Variants in ZFP36L2 observed in about 807,000 individuals in gnomAD.
ZFP36L2 encodes mRNA decay activator protein ZFP36L2.
Under a neutral mutation model 27.9 loss-of-function variants are expected in ZFP36L2, and 16 were observed. That is an observed-to-expected ratio of 0.57 (90% CI 0.39 to 0.87). ZFP36L2 has a LOEUF of 0.87. ZFP36L2 is among the 40% of genes least tolerant of loss of function. The pLI is 0.00. For missense variants in ZFP36L2, 989 were observed against 726.9 expected (o/e 1.36, Z -4.15); for synonymous variants, 600 against 363.8 (o/e 1.65, Z -7.39).
At position 43,224,601 on chromosome 2, in the gene ZFP36L2, CT is replaced by C; in HGVS notation, c.1202del (p.Gln401ArgfsTer60). The C allele has an allele frequency of 8.3e-7, 1 of 1,198,668 alleles. No homozygotes were observed. The allele number at this position is 1,198,668 out of a possible 1,614,324, so 74.3% of individuals were successfully genotyped here. A position where few individuals can be genotyped will look rare whatever the true frequency, so the allele number is the denominator to read the frequency against. Reference protein sequence around the residue: ...YYRSQQQQQQQGLAPPAQPPA... With the variant: ...YYRSQQQQQQXGLAPPAQPPA... The stretch of plus-strand genomic sequence containing the variant: ...GCGGCTGCGCGGGGGGCGCCAGGCC[CT>C]GCTGCTGCTGCTGCTGCTGACTGCG... On this transcript the variant is annotated frameshift_variant, in exon 2 of 2. Transcript: ENST00000282388. LOFTEE classifies it high-confidence loss of function.
At chr2:43,226,224 C>CGTT in intron 1 of ZFP36L2, 41 bp downstream of exon 1, 1 of 1,557,184 alleles carries the variant, frequency 6.4e-7, no homozygotes. Flanking sequence ...AGTCCAAGAA[C>CGTT]TACAACGGCT....
intron 1 of ZFP36L2, 82 bp from the exon 2 acceptor site, chr2:43,225,834 G>A (rs1396471102): frequency 2.1e-6 from 3 of 1,397,544 alleles, no homozygotes; most frequent in African/African-American, 3.0e-5. Context: ...GGAACTCCCA[G>A]CCTGATTCTT....
chr2:43,224,850 G>C lies in ZFP36L2; in HGVS notation c.954C>G (p.Ala318=), dbSNP rs929921163. 3 of 1,463,816 alleles carry C rather than the reference G, an allele frequency of 2.0e-6. No homozygotes were observed. The highest frequency in any genetic ancestry group is 3.0e-5 in the African/African-American group (2 of 66,872). The allele number at this position is 1,463,816 out of a possible 1,614,324, so 90.7% of individuals were successfully genotyped here. ...CCGCCGCGGAGGCGCAGCATGTCGG[G>C]GCGCCCGAGGGCGTGGAGGCCGCGG... ...SASAASTPSG[A]PTCCASAAAA... The change falls in exon 2 of 2, where the codon GCC becomes GCG. Residue 318 remains alanine (A), a synonymous_variant. Coordinates refer to ENST00000282388, the MANE Select transcript of ZFP36L2 (RefSeq NM_006887.5).
chr2:43,226,303 G>C lies in ZFP36L2; in HGVS notation c.13C>G (p.Leu5Val). Residue 5 changes from leucine (L) to valine (V), a missense_variant, in exon 1 of 2, where the codon CTT (leucine) becomes GTT (valine). Transcript: ENST00000282388. MSTT[L>V]LSAFYDVDFL... ...TCGACATCGTAGAAGGCGGACAGAA[G>C]TGTGGTCGACATGTTTCTGGATCCC... 1 of 1,587,874 alleles carries C rather than the reference G, an allele frequency of 6.3e-7. No homozygotes were observed. The highest frequency in any genetic ancestry group is 1.1e-5 in the South Asian group (1 of 87,740).
rs955426307 is a variant in ZFP36L2 at position 43,223,543 on chromosome 2, C to A, written c.*776G>T. Reference sequence around the variant, plus strand: ...AACAGCTAAAAATTCAGCAGTTATTCTCCAACAATTACAAAGTAAGCTCTG... The same window carrying A: ...AACAGCTAAAAATTCAGCAGTTATTATCCAACAATTACAAAGTAAGCTCTG... On this transcript the variant is annotated 3_prime_UTR_variant, in exon 2 of 2. Coordinates refer to ENST00000282388, the MANE Select transcript of ZFP36L2 (RefSeq NM_006887.5). The A allele has an allele frequency of 6.6e-6, 1 of 152,614 alleles. No homozygotes were observed. Among genetic ancestry groups the A allele is most frequent in the African/African-American group, 2.4e-5 (1 of 41,444 alleles). 9.5% of individuals were successfully genotyped at this position (152,614 alleles called of 1,614,324 possible).
chr2:43,225,845 T>A, intron 1 of ZFP36L2, 93 bp from the exon 2 acceptor site: 1 of 1,325,984 alleles, frequency 7.5e-7, no homozygotes, highest in Non-Finnish European at 1.0e-6. Flanking sequence ...CCTGATTCTT[T>A]TCCTTTTTTT....
rs1667110810 is a variant in ZFP36L2 at position 43,226,520 on chromosome 2, A to C, written c.-205T>G. 2 of 577,980 alleles carry C rather than the reference A, an allele frequency of 3.5e-6. No homozygotes were observed. The highest frequency in any genetic ancestry group is 4.5e-4 in the Middle Eastern group (1 of 2,218). 35.8% of individuals were successfully genotyped at this position (577,980 alleles called of 1,614,324 possible). A position where few individuals can be genotyped will look rare whatever the true frequency, so the allele number is the denominator to read the frequency against. On this transcript the variant is annotated 5_prime_UTR_variant, in exon 1 of 2. Transcript: ENST00000282388. ...GCGGAGTGCGGCAGGGGGGAAGGAGAGAAGCGAGGAGCGCTCCTCCGCGCC... is the reference window on the plus strand; with the variant it reads ...GCGGAGTGCGGCAGGGGGGAAGGAGCGAAGCGAGGAGCGCTCCTCCGCGCC...
chr2:43,225,093 G>A lies in ZFP36L2; in HGVS notation c.711C>T (p.Gly237=). 6.3e-7 allele frequency: 1 copy of A among 1,593,510 alleles called. No homozygotes were observed. The highest frequency in any genetic ancestry group is 8.5e-7 in the Non-Finnish European group (1 of 1,177,298). ...GGASGDLRAF[G]TRDALHLGFP... ...AGCCCAGGTGCAACGCATCGCGCGT[G>A]CCAAAGGCACGCAGGTCCCCGGAGG... The change falls in exon 2 of 2, where the codon GGC becomes GGT. Residue 237 remains glycine, a synonymous_variant. Transcript: ENST00000282388.
At chr2:43,225,806 C>G in intron 1 of ZFP36L2, 54 bp from the exon 2 acceptor site, 1 of 1,516,442 alleles carries the variant, frequency 6.6e-7, no homozygotes, top group Non-Finnish European at 8.8e-7. Context: ...GGAAGACAGA[C>G]TCGGGGCGAG....
At position 43,222,774 on chromosome 2, in the gene ZFP36L2, TAA is replaced by T. The variant is rs979309289; in HGVS notation, c.*1543_*1544del. ...GCGGTTGCTTCACTTTATATCTATA[TAA>T]AAAAAGTGGTAAAAATCTTTTCCTT... On this transcript the variant is annotated 3_prime_UTR_variant, in exon 2 of 2. Transcript: ENST00000282388. The T allele has an allele frequency of 6.6e-6, 1 of 152,350 alleles. No individual in the cohort carries two copies. Among genetic ancestry groups the T allele is most frequent in the Non-Finnish European group, 1.5e-5 (1 of 68,034 alleles). The allele number at this position is 152,350 out of a possible 1,614,324, so 9.4% of individuals were successfully genotyped here. A position where few individuals can be genotyped will look rare whatever the true frequency, so the allele number is the denominator to read the frequency against.
rs779567592 is a variant in ZFP36L2, at chr2:43,225,497, CCTT to C, written c.304_306del (p.Lys102del). 2.2e-5 allele frequency: 35 copies of C among 1,608,650 alleles called. No individual in the cohort carries two copies. The highest frequency in any genetic ancestry group is 2.7e-5 in the Non-Finnish European group (32 of 1,178,676). ...GCTGTGCCGCCGCCCCCCGACGGCT[CCTT>C]AAGGGTGCCGTAGGAGGTCGGACCG... On this transcript the variant is annotated inframe_deletion, in exon 2 of 2. Transcript: ENST00000282388.
intron 1 of ZFP36L2, 88 bp from the exon 2 acceptor site, chr2:43,225,840 T>G (rs748090343): frequency 7.3e-7 from 1 of 1,370,914 alleles, no homozygotes; most frequent in Non-Finnish European, 9.8e-7. Context: ...CCCAGCCTGA[T>G]TCTTTTCCTT....
At position 43,225,228 on chromosome 2, in the gene ZFP36L2, G is replaced by A; in HGVS notation, c.576C>T (p.Tyr192=). ...GAAAGGTGCGGCACAGCTCGGTCTT[G>A]TACTTCGGATGGCGAGTCAGGCTGC... ...ELRSLTRHPK[Y]KTELCRTFHT... is the part of the protein sequence containing the mutation. Residue 192 remains tyrosine, a synonymous_variant, in exon 2 of 2, where the codon TAC becomes TAT. Coordinates refer to ENST00000282388, the MANE Select transcript of ZFP36L2 (RefSeq NM_006887.5). The A allele has an allele frequency of 6.2e-7, 1 of 1,607,624 alleles. No homozygotes were observed. Among genetic ancestry groups the A allele is most frequent in the Non-Finnish European group, 8.5e-7 (1 of 1,179,912 alleles).
rs1357995606 is a variant in ZFP36L2, at chr2:43,224,917, G to A, written c.887C>T (p.Ala296Val). The stretch of plus-strand genomic sequence containing the variant: ...GGAGGCGGAGGAGGAGCAGGACGAG[G>A]CCGAAGAGCAGGAGGGCGGCGGCGG... ...RTPPPPSCSSASSCSSSASSC... is the reference protein window; with the variant it reads ...RTPPPPSCSSVSSCSSSASSC... The change falls in exon 2 of 2, where the codon GCC (alanine) becomes GTC (valine). Residue 296 changes from alanine to valine, a missense_variant. Coordinates refer to ENST00000282388, the MANE Select transcript of ZFP36L2 (RefSeq NM_006887.5). 3.2e-6 allele frequency: 5 copies of A among 1,551,200 alleles called. No homozygotes were observed. In the African/African-American group the frequency reaches 4.3e-5, roughly 13 times the overall value.
Position 43,226,529 on chromosome 2 carries a change from G to A in ZFP36L2, c.-214C>T, listed in dbSNP as rs901390171. 2 of 561,362 alleles carry A rather than the reference G, an allele frequency of 3.6e-6. No homozygotes were observed. Among genetic ancestry groups the A allele is most frequent in the African/African-American group, 2.0e-5 (1 of 49,258 alleles). 34.8% of individuals were successfully genotyped at this position (561,362 alleles called of 1,614,324 possible). ...GGCAGGGGGGAAGGAGAGAAGCGAG[G>A]AGCGCTCCTCCGCGCCCCGGGGTGC... is the stretch of plus-strand genomic sequence containing the variant. On this transcript the variant is annotated 5_prime_UTR_variant, in exon 1 of 2. Transcript: ENST00000282388.
At position 43,224,261 on chromosome 2, in the gene ZFP36L2, G is replaced by A. The variant is rs1460076864; in HGVS notation, c.*58C>T. 6 of 1,455,876 alleles carry A rather than the reference G, an allele frequency of 4.1e-6. No individual in the cohort carries two copies. The highest frequency in any genetic ancestry group is 2.9e-5 in the African/African-American group (2 of 68,724). The allele number at this position is 1,455,876 out of a possible 1,614,324, so 90.2% of individuals were successfully genotyped here. ...CCCCAGCAAGGGCGAGATGGCGAGG[G>A]GTGTCCTCCAACATCTCTGAACCGC... On this transcript the variant is annotated 3_prime_UTR_variant, in exon 2 of 2. Coordinates refer to ENST00000282388, the MANE Select transcript of ZFP36L2 (RefSeq NM_006887.5).
intron 1 of ZFP36L2, 66 bp from the exon 2 acceptor site, chr2:43,225,818 C>A (rs1667086743): frequency 6.8e-7 from 1 of 1,463,502 alleles, no homozygotes; most frequent in Non-Finnish European, 9.2e-7. Context: ...CGGGGCGAGC[C>A]GCAGAGGAAC....
rs1383414084 is a variant in ZFP36L2 at position 43,223,110 on chromosome 2, A to G, written c.*1209T>C. 1 of 152,352 alleles carries G rather than the reference A, an allele frequency of 6.6e-6. No homozygotes were observed. The highest frequency in any genetic ancestry group is 1.5e-5 in the Non-Finnish European group (1 of 68,044). The allele number at this position is 152,352 out of a possible 1,614,324, so 9.4% of individuals were successfully genotyped here. On this transcript the variant is annotated 3_prime_UTR_variant, in exon 2 of 2. Coordinates refer to ENST00000282388, the MANE Select transcript of ZFP36L2 (RefSeq NM_006887.5). ...ATGGGCTACAACCTTTATACATTCT[A>G]AGAAAACTCATAGGATGTTCCTCAA...
rs1667046167 is a variant in ZFP36L2 at position 43,224,727 on chromosome 2, G to GGCGCACGAGGCCGACGAGCAGGCC, written c.1053_1076dup (p.Ala352_Ala359dup). The GGCGCACGAGGCCGACGAGCAGGCC allele has an allele frequency of 1.3e-6, 2 of 1,527,702 alleles. No homozygotes were observed. The highest frequency in any genetic ancestry group is 1.7e-6 in the Non-Finnish European group (2 of 1,144,336). The allele number at this position is 1,527,702 out of a possible 1,614,324, so 94.6% of individuals were successfully genotyped here. A position where few individuals can be genotyped will look rare whatever the true frequency, so the allele number is the denominator to read the frequency against. Reference sequence around the variant, plus strand: ...CCGGACCGAAGGCGAAGGCGTTGTTGGCGCACGAGGCCGACGAGCAGGCCG... The same window carrying GGCGCACGAGGCCGACGAGCAGGCC: ...CCGGACCGAAGGCGAAGGCGTTGTTGGCGCACGAGGCCGACGAGCAGGCCGCGCACGAGGCCGACGAGCAGGCCG... On this transcript the variant is annotated inframe_insertion, in exon 2 of 2. Transcript: ENST00000282388.
Sources: allele counts gnomAD v4.1 joint callset, GRCh38; gene constraint gnomAD v4.1.1; transcripts MANE v1.5; gene names NCBI Gene and HGNC (gene_info 2026-07-23, HGNC 2026-07-21).